Variants in DMD observed in about 807,000 individuals in gnomAD.
DMD encodes dystrophin.
Under a neutral mutation model 330.1 loss-of-function variants are expected in DMD, and 63 were observed. The ratio of observed to expected loss-of-function variants is 0.19; its 90% CI spans 0.16 to 0.24. The LOEUF is 0.24. Among genes scored for constraint, DMD ranks in the 10% least tolerant of loss-of-function variants. The pLI is 1.00. For missense variants in DMD, 3,344 were observed against 2,684.1 expected (o/e 1.25, Z -5.43); for synonymous variants, 1,223 against 959.8 (o/e 1.27, Z -5.07).
intron 1 of DMD, among the ~76,000 whole-genome samples, chrX:33,121,465 T>C: frequency 9.0e-6 from 1 of 111,557 alleles, no homozygotes; most frequent in East Asian, 2.8e-4. Flanking sequence ...CATCCTGACC[T>C]CAAGTAATCC....
intron 7 of DMD, among the ~76,000 whole-genome samples, chrX:32,705,345 T>C (rs2064521711): frequency 8.9e-6 from 1 of 112,373 alleles, no homozygotes; most frequent in Non-Finnish European, 1.9e-5. Context: ...ATAATTTGCG[T>C]TGATGAAGAT....
chrX:31,825,794 C>T (rs1303190959), intron 49 of DMD, among the ~76,000 whole-genome samples: 2 of 111,599 alleles, frequency 1.8e-5, no homozygotes, highest in Non-Finnish European at 3.8e-5. Flanking sequence ...TCTTAGGTTT[C>T]GTTCCTAATT....
chrX:31,344,278 T>C (rs2692995), intron 61 of DMD, among the ~76,000 whole-genome samples: 4,464 of 111,706 alleles, frequency 0.04, 87 homozygotes, highest in Non-Finnish European at 0.065. Context: ...TTTAGGCATT[T>C]ATCCTGTAGA....
At chrX:32,382,691 G>A (rs1169573168) in intron 33 of DMD, among the ~76,000 whole-genome samples, 1 of 108,733 alleles carries the variant, frequency 9.2e-6, no homozygotes, top group East Asian at 2.9e-4. Context: ...TGTGTGGGGG[G>A]TGAGGGAAAA....
At chrX:33,337,719 T>G (rs1401254080) in intron 1 of DMD, among the ~76,000 whole-genome samples, 2 of 112,169 alleles carry the variant, frequency 1.8e-5, no homozygotes, top group Non-Finnish European at 3.8e-5. Context: ...CTAGTGTAAT[T>G]AGCCCACCAC....
chrX:33,292,850 C>T (rs931897728), intron 1 of DMD, among the ~76,000 whole-genome samples: 2 of 110,807 alleles, frequency 1.8e-5, no homozygotes, highest in East Asian at 2.9e-4. Flanking sequence ...CATTGTTGCT[C>T]TTACCATTGC....
At chrX:32,951,236 G>A (rs1403087472) in intron 2 of DMD, among the ~76,000 whole-genome samples, 1 of 111,667 alleles carries the variant, frequency 9.0e-6, no homozygotes, top group African/African-American at 3.3e-5. Flanking sequence ...CTTCCTTCAG[G>A]CCACATTTCC....
intron 44 of DMD, among the ~76,000 whole-genome samples, chrX:32,214,575 T>C (rs1359241569): frequency 8.9e-6 from 1 of 111,780 alleles, no homozygotes; most frequent in Non-Finnish European, 1.9e-5. Flanking sequence ...ATACCACCTG[T>C]TCCCACGAGC....
intron 46 of DMD, 139 bp from the exon 47 acceptor site, chrX:31,929,884 T>C (rs2094831383): frequency 1.5e-6 from 1 of 684,384 alleles, no homozygotes; most frequent in Non-Finnish European, 2.3e-6. Flanking sequence ...ACCAACAGTT[T>C]TCTATCTGAG....
chrX:32,590,467 G>A (rs1193952327), intron 13 of DMD, among the ~76,000 whole-genome samples: 2 of 111,867 alleles, frequency 1.8e-5, no homozygotes, highest in African/African-American at 6.5e-5. Context: ...AAAGAAGGCT[G>A]ACATGTGGAC....
chrX:31,456,106 T>C (rs943934188), intron 59 of DMD, among the ~76,000 whole-genome samples: 1 of 111,305 alleles, frequency 9.0e-6, no homozygotes, highest in Admixed American at 9.6e-5. Context: ...ATTTTTGGGC[T>C]TTTCCACTAA....
At chrX:32,129,690 A>G (rs1018227417) in intron 44 of DMD, among the ~76,000 whole-genome samples, 1 of 96,206 alleles carries the variant, frequency 1.0e-5, no homozygotes, top group Non-Finnish European at 2.1e-5. Context: ...ATATACATCT[A>G]TATATATATA....
rs144680844 is a variant in DMD, at chrX:31,196,556, G to A, written c.9807+7405C>T. ...TAAAATGGAATCGGCCAGGTGTGAT[G>A]GCTCATGCCTGTAATCCCAGCACTT... On this transcript the variant is annotated intron_variant, in intron 67 of 78. Transcript: ENST00000357033. 8.2e-3 allele frequency among the ~76,000 whole-genome samples: 903 copies of A among 109,974 alleles called. 3 individuals carry two copies. The highest frequency in any genetic ancestry group is 0.014 in the Non-Finnish European group (758 of 52,730).
intron 28 of DMD, among the ~76,000 whole-genome samples, chrX:32,439,964 T>C (rs946437308): frequency 1.6e-4 from 18 of 111,333 alleles, no homozygotes; most frequent in African/African-American, 5.2e-4. Context: ...CTTTTCTAAA[T>C]GCTCTTCATT....
chrX:32,286,894 T>C lies in DMD; in HGVS notation c.6290+635A>G, dbSNP rs1004888277. Reference sequence around the variant, plus strand: ...CACTTTAAGCTGTTAGAGAACTTTATTACTTTTAATCTAAAAATGTAAAAG... The same window carrying C: ...CACTTTAAGCTGTTAGAGAACTTTACTACTTTTAATCTAAAAATGTAAAAG... On this transcript the variant is annotated intron_variant, in intron 43 of 78. Transcript: ENST00000357033. 2.7e-5 allele frequency among the ~76,000 whole-genome samples: 3 copies of C among 112,046 alleles called. No individual in the cohort carries two copies. In the South Asian group the frequency reaches 1.1e-3, roughly 41 times the overall value.
chrX:32,824,755 C>A (rs931584134), intron 4 of DMD, among the ~76,000 whole-genome samples: 15 of 112,012 alleles, frequency 1.3e-4, no homozygotes, highest in Non-Finnish European at 5.6e-5. Context: ...TATGCATGCA[C>A]ACATACACAT....
intron 55 of DMD, among the ~76,000 whole-genome samples, chrX:31,568,871 A>T (rs934555888): frequency 9.0e-6 from 1 of 110,763 alleles, no homozygotes; most frequent in Non-Finnish European, 1.9e-5. Context: ...TTATTTGAAC[A>T]TTTCTTAAGA....
At chrX:32,653,847 G>T (rs2060354145) in intron 9 of DMD, among the ~76,000 whole-genome samples, 2 of 111,850 alleles carry the variant, frequency 1.8e-5, no homozygotes, top group South Asian at 7.5e-4. Context: ...GCAGTGGTTT[G>T]TAGTTCTCCT....
At chrX:32,588,360 TA>T (rs1228446221) in intron 13 of DMD, among the ~76,000 whole-genome samples, 1 of 112,112 alleles carries the variant, frequency 8.9e-6, no homozygotes, top group Non-Finnish European at 1.9e-5. Context: ...ATGAGTTTTC[TA>T]TACATAGATG....
Sources: allele counts gnomAD v4.1 joint callset (sites outside exome capture counted in the v4.1 genomes callset), GRCh38; gene constraint gnomAD v4.1.1; transcripts MANE v1.5; gene names NCBI Gene and HGNC (gene_info 2026-07-23, HGNC 2026-07-21).